PRKG1: variants seen among roughly 807,000 people sequenced by gnomAD.
PRKG1 encodes the protein protein kinase cGMP-dependent 1.
Under a neutral mutation model 88.1 loss-of-function variants are expected in PRKG1, and 35 were observed. The ratio of observed to expected loss-of-function variants is 0.40; its 90% CI spans 0.30 to 0.53. The LOEUF (loss-of-function observed/expected upper bound fraction) is 0.53, where lower values mean the gene tolerates loss of function less well. Among genes scored for constraint, PRKG1 ranks in the 20% least tolerant of loss-of-function variants. The probability of loss-of-function intolerance (pLI) is 0.59; values close to 1 mark genes in which losing one functional copy is unlikely to be tolerated. For missense variants in PRKG1, 540 were observed against 839.8 expected, an observed-to-expected ratio of 0.64 and a Z score of 4.41; for synonymous variants, 303 against 292.5, an observed-to-expected ratio of 1.04 and a Z score of -0.37.
At chr10:51,354,461 T>TA (rs1054615280) in intron 2 of PRKG1, among the ~76,000 whole-genome samples, 13 of 152,208 alleles carry the variant, frequency 8.5e-5, no homozygotes, top group African/African-American at 2.9e-4. Context: ...GAAAAATTAT[T>TA]AAAAAATAAA....
At chr10:51,428,029 A>G (rs1018032277) in intron 2 of PRKG1, among the ~76,000 whole-genome samples, 2 of 152,188 alleles carry the variant, frequency 1.3e-5, no homozygotes, top group Non-Finnish European at 2.9e-5. Flanking sequence ...AAGAGTAGAG[A>G]CAGAGAGAAG....
At chr10:51,809,357 T>C (rs1839393342) in intron 4 of PRKG1, among the ~76,000 whole-genome samples, 2 of 152,112 alleles carry the variant, frequency 1.3e-5, no homozygotes, top group Admixed American at 1.3e-4. Context: ...CAAACGATGA[T>C]TTTGCCAGTT....
chr10:51,187,738 A>G (rs1332475772), intron 2 of PRKG1, among the ~76,000 whole-genome samples: 1 of 152,078 alleles, frequency 6.6e-6, no homozygotes, highest in East Asian at 1.9e-4. Context: ...TTCTCAGAAC[A>G]TAAGGCTACA....
chr10:51,970,001 TACACAC>T (rs35117709), intron 5 of PRKG1, among the ~76,000 whole-genome samples: 1,642 of 144,542 alleles, frequency 0.011, 27 homozygotes, highest in African/African-American at 0.033. Flanking sequence ...ATTCTCTTCA[TACACAC>T]ACACACACAC....
intron 1 of PRKG1, among the ~76,000 whole-genome samples, chr10:51,068,036 A>C (rs750691097): frequency 1.1e-4 from 16 of 152,088 alleles, no homozygotes; most frequent in Non-Finnish European, 2.2e-4. Flanking sequence ...TTACAAATAC[A>C]TAGTGAATGT....
At chr10:51,885,074 G>T (rs1332746639) in intron 4 of PRKG1, among the ~76,000 whole-genome samples, 3 of 152,110 alleles carry the variant, frequency 2.0e-5, no homozygotes, top group Non-Finnish European at 4.4e-5. Flanking sequence ...TGCAATCTTA[G>T]CCAAGTTTCT....
intron 3 of PRKG1, among the ~76,000 whole-genome samples, chr10:51,685,613 A>G (rs577759570): frequency 6.6e-6 from 1 of 152,330 alleles, no homozygotes; most frequent in African/African-American, 2.4e-5. Flanking sequence ...ATTAAAAAAC[A>G]TTTTAAATAA....
intron 1 of PRKG1, among the ~76,000 whole-genome samples, chr10:51,012,890 C>T: frequency 6.6e-6 from 1 of 152,082 alleles, no homozygotes; most frequent in Non-Finnish European, 1.5e-5. Flanking sequence ...AAACTGAGAC[C>T]TAAAAGATGA....
At chr10:51,350,968 A>G (rs529844450) in intron 2 of PRKG1, among the ~76,000 whole-genome samples, 62 of 151,634 alleles carry the variant, frequency 4.1e-4, no homozygotes, top group Admixed American at 7.9e-4. Flanking sequence ...CCCTGTGTCC[A>G]TGTGTTCTCA....
At chr10:51,793,950 G>C (rs1016440834) in intron 3 of PRKG1, among the ~76,000 whole-genome samples, 2 of 152,016 alleles carry the variant, frequency 1.3e-5, no homozygotes, top group Non-Finnish European at 2.9e-5. Flanking sequence ...TTTTAGTAGA[G>C]ACAGGATTTC....
intron 8 of PRKG1, among the ~76,000 whole-genome samples, chr10:52,155,301 C>T (rs1412829947): frequency 6.6e-6 from 1 of 151,890 alleles, no homozygotes; most frequent in Non-Finnish European, 1.5e-5. Flanking sequence ...TTCACTACAT[C>T]CATACCAAAA....
chr10:51,213,323 G>C (rs981264126), intron 2 of PRKG1, among the ~76,000 whole-genome samples: 2 of 152,108 alleles, frequency 1.3e-5, no homozygotes, highest in South Asian at 2.1e-4. Flanking sequence ...TTGTGGGGTT[G>C]GGGGAGGGGG....
At chr10:51,299,824 A>C (rs1840832154) in intron 2 of PRKG1, among the ~76,000 whole-genome samples, 1 of 152,190 alleles carries the variant, frequency 6.6e-6, no homozygotes, top group South Asian at 2.1e-4. Flanking sequence ...TTTAATTTAC[A>C]ATTAAAGTCA....
At chr10:52,284,769 A>G (rs925656822) in intron 14 of PRKG1, among the ~76,000 whole-genome samples, 2 of 152,040 alleles carry the variant, frequency 1.3e-5, no homozygotes, top group African/African-American at 4.8e-5. Context: ...ATGAAAGAGG[A>G]ACTGAGGTGA....
chr10:51,940,217 T>C (rs1222419034), intron 5 of PRKG1, among the ~76,000 whole-genome samples: 2 of 152,000 alleles, frequency 1.3e-5, no homozygotes, highest in Admixed American at 1.3e-4. Context: ...CTTTTTTCCT[T>C]TTAAACATTT....
intron 5 of PRKG1, among the ~76,000 whole-genome samples, chr10:52,006,732 C>A (rs574884095): frequency 6.6e-6 from 1 of 152,262 alleles, no homozygotes; most frequent in Admixed American, 6.5e-5. Context: ...ACTTTCCCAA[C>A]CTTGCTAGAG....
intron 1 of PRKG1, among the ~76,000 whole-genome samples, chr10:51,151,178 A>G (rs1846063603): frequency 6.6e-6 from 1 of 151,848 alleles, no homozygotes; most frequent in Non-Finnish European, 1.5e-5. Flanking sequence ...AGAAAACGTA[A>G]TGCAATTTGA....
intron 1 of PRKG1, among the ~76,000 whole-genome samples, chr10:51,078,615 T>TATTC (rs1236820707): frequency 3.5e-5 from 5 of 143,874 alleles, no homozygotes; most frequent in African/African-American, 1.2e-4. Context: ...TTTATTTATT[T>TATTC]ATTTATTTAT....
At chr10:52,149,468 C>T (rs1484756492) in intron 8 of PRKG1, among the ~76,000 whole-genome samples, 4 of 151,918 alleles carry the variant, frequency 2.6e-5, no homozygotes, top group African/African-American at 9.7e-5. Flanking sequence ...GAGACAGGGC[C>T]TTTCAAAAGG....
Sources: allele counts gnomAD v4.1 joint callset (sites outside exome capture counted in the v4.1 genomes callset), GRCh38; gene constraint gnomAD v4.1.1; transcripts MANE v1.5; gene names NCBI Gene and HGNC (gene_info 2026-07-23, HGNC 2026-07-21).